The following THSD7B variants were observed in gnomAD, a reference collection of about 807,000 sequenced individuals.
THSD7B encodes thrombospondin type-1 domain-containing protein 7B.
A neutral mutation model predicts 213.6 loss-of-function variants in THSD7B; 138 were observed. That is an observed-to-expected ratio of 0.65 (90% CI 0.56 to 0.74). THSD7B has a LOEUF of 0.74. Among genes scored for constraint, THSD7B ranks in the 30% least tolerant of loss-of-function variants. The pLI is 0.00. For missense variants in THSD7B, 1,931 were observed against 1,991.5 expected (o/e 0.97, Z 0.58); for synonymous variants, 742 against 687.0 (o/e 1.08, Z -1.25).
In THSD7B at chr2:137,324,311, A is replaced by G. The variant is rs549457774; in HGVS notation, c.2500+48285A>G. 7.9e-5 allele frequency among the ~76,000 whole-genome samples: 12 copies of G among 152,314 alleles called. No individual in the cohort carries two copies. In the South Asian group the frequency reaches 1.9e-3, roughly 24 times the overall value. ...AGTGTTTCTTTAATTAATGGATGAA[A>G]AAAATGACAGAAGATACTGTATCTC... is the stretch of plus-strand genomic sequence containing the variant. On this transcript the variant is annotated intron_variant, in intron 12 of 27. Transcript: ENST00000409968.
intron 7 of THSD7B, among the ~76,000 whole-genome samples, chr2:137,181,484 G>T (rs552682779): frequency 2.6e-5 from 4 of 152,290 alleles, no homozygotes; most frequent in African/African-American, 7.2e-5. Context: ...GAAATAAAAA[G>T]ATGACAGATG....
chr2:136,814,719 A>G (rs1682442915), intron 1 of THSD7B, among the ~76,000 whole-genome samples: 1 of 152,148 alleles, frequency 6.6e-6, no homozygotes, highest in Non-Finnish European at 1.5e-5. Context: ...ATATATGCAA[A>G]GAAATCTTTA....
intron 7 of THSD7B, among the ~76,000 whole-genome samples, chr2:137,174,286 A>C (rs1680318690): frequency 6.6e-6 from 1 of 152,164 alleles, no homozygotes; most frequent in Non-Finnish European, 1.5e-5. Context: ...ATTTCTACAT[A>C]AGCTTGACCA....
chr2:137,269,899 A>C (rs375611313), intron 10 of THSD7B, among the ~76,000 whole-genome samples: 42 of 152,270 alleles, frequency 2.8e-4, no homozygotes, highest in African/African-American at 9.4e-4. Flanking sequence ...CTTTATTGGC[A>C]TGTTCTGCCA....
chr2:137,469,577 T>A (rs1195564393), intron 15 of THSD7B, among the ~76,000 whole-genome samples: 1 of 152,128 alleles, frequency 6.6e-6, no homozygotes, highest in Non-Finnish European at 1.5e-5. Context: ...GCATCCCTCC[T>A]CTCCAGCAGA....
At chr2:137,514,859 G>A (rs1225199003) in intron 15 of THSD7B, among the ~76,000 whole-genome samples, 1 of 152,194 alleles carries the variant, frequency 6.6e-6, no homozygotes, top group Non-Finnish European at 1.5e-5. Flanking sequence ...TATATGTGGA[G>A]AACCAAGGAA....
intron 1 of THSD7B, among the ~76,000 whole-genome samples, chr2:136,879,411 G>A (rs1683581203): frequency 6.6e-6 from 1 of 152,098 alleles, no homozygotes; most frequent in Admixed American, 6.5e-5. Flanking sequence ...CTCTTTTTTG[G>A]TTCCACATGA....
rs140317468 is a variant in THSD7B at position 137,289,184 on chromosome 2, A to G, written c.2500+13158A>G. On this transcript the variant is annotated intron_variant, in intron 12 of 27. Coordinates refer to ENST00000409968, the MANE Select transcript of THSD7B (RefSeq NM_001316349.2). Reference sequence around the variant, plus strand: ...TACAAGACATGTTTTTTTTAAAGTAAGTGAGTGGAAATTAGTGGAGAGATT... The same window carrying G: ...TACAAGACATGTTTTTTTTAAAGTAGGTGAGTGGAAATTAGTGGAGAGATT... 3.0e-3 allele frequency among the ~76,000 whole-genome samples: 457 copies of G among 152,096 alleles called. 4 individuals carry two copies. Among genetic ancestry groups the G allele is most frequent in the African/African-American group, 0.01 (433 of 41,502 alleles).
chr2:137,393,434 G>A (rs1214969061), intron 12 of THSD7B, among the ~76,000 whole-genome samples: 1 of 149,238 alleles, frequency 6.7e-6, no homozygotes, highest in African/African-American at 2.5e-5. Flanking sequence ...TCTTACGATA[G>A]TTTACTGAGA....
intron 12 of THSD7B, among the ~76,000 whole-genome samples, chr2:137,331,991 T>G (rs1260968944): frequency 1.3e-5 from 2 of 151,902 alleles, no homozygotes; most frequent in African/African-American, 4.8e-5. Context: ...CGCCTCTCCC[T>G]CCACACCTCC....
chr2:137,496,529 A>C (rs1374966139), intron 15 of THSD7B, among the ~76,000 whole-genome samples: 1 of 152,096 alleles, frequency 6.6e-6, no homozygotes, highest in Admixed American at 6.5e-5. Context: ...TATTATGTGC[A>C]GATTTCTCTC....
At chr2:137,635,372 G>A (rs1248498258) in intron 20 of THSD7B, among the ~76,000 whole-genome samples, 1 of 152,156 alleles carries the variant, frequency 6.6e-6, no homozygotes, top group Non-Finnish European at 1.5e-5. Flanking sequence ...AGCAAGACAA[G>A]TCTAGAGAGT....
chr2:137,654,560 G>A (rs1302451818), intron 21 of THSD7B, among the ~76,000 whole-genome samples: 2 of 152,138 alleles, frequency 1.3e-5, no homozygotes, highest in South Asian at 4.1e-4. Flanking sequence ...GAAACCATGA[G>A]TAAAGGGGAA....
chr2:137,395,355 G>A (rs1686151611), intron 12 of THSD7B, among the ~76,000 whole-genome samples: 1 of 150,502 alleles, frequency 6.6e-6, no homozygotes, highest in East Asian at 1.9e-4. Context: ...CTAATTTATT[G>A]AGAGTTTTTA....
At chr2:137,085,316 A>G (rs1397262700) in intron 3 of THSD7B, among the ~76,000 whole-genome samples, 1 of 152,224 alleles carries the variant, frequency 6.6e-6, no homozygotes, top group Non-Finnish European at 1.5e-5. Flanking sequence ...ATAGCAAAGG[A>G]TCACCAAAAA....
intron 12 of THSD7B, among the ~76,000 whole-genome samples, chr2:137,289,340 A>C (rs1424476991): frequency 6.6e-6 from 1 of 151,894 alleles, no homozygotes; most frequent in African/African-American, 2.4e-5. Context: ...AAAGGCTCTT[A>C]GATTGCAGCA....
At chr2:136,850,547 A>ACAAGAAACAG (rs1683082201) in intron 1 of THSD7B, among the ~76,000 whole-genome samples, 3 of 151,724 alleles carry the variant, frequency 2.0e-5, no homozygotes, top group African/African-American at 7.3e-5. Context: ...TCTTGTTGCA[A>ACAAGAAACAG]GACTTCTAAA....
intron 7 of THSD7B, among the ~76,000 whole-genome samples, chr2:137,191,902 G>A (rs144491348): frequency 4.1e-4 from 63 of 152,146 alleles, no homozygotes; most frequent in African/African-American, 1.3e-3. Context: ...GTATCACAAA[G>A]GACAAAGCCA....
At chr2:136,837,837 A>G (rs2104952975) in intron 1 of THSD7B, among the ~76,000 whole-genome samples, 1 of 152,292 alleles carries the variant, frequency 6.6e-6, no homozygotes, top group Non-Finnish European at 1.5e-5. Context: ...CTTGCAATTA[A>G]TATTCAACAA....
Sources: gnomAD v4.1 joint callset for allele counts (sites outside exome capture counted in the v4.1 genomes callset) on GRCh38, gnomAD v4.1.1 for gene constraint, MANE v1.5 for transcripts, NCBI Gene and HGNC (gene_info 2026-07-23, HGNC 2026-07-21) for gene names.